TOPAZ1: variants seen among roughly 807,000 people sequenced by gnomAD.
TOPAZ1 encodes the protein testis and ovary specific TOPAZ 1, also known as protein TOPAZ1.
A neutral mutation model predicts 172.2 loss-of-function variants in TOPAZ1; 66 were observed. The ratio of observed to expected loss-of-function variants is 0.38; its 90% CI spans 0.31 to 0.47. The LOEUF (loss-of-function observed/expected upper bound fraction) is 0.47. TOPAZ1 is among the 20% of genes least tolerant of loss of function. TOPAZ1 has a pLI of 0.99. For synonymous variants in TOPAZ1, 681 were observed against 683.9 expected (o/e 1.00, Z 0.07); for missense variants, 1,822 against 1,972.4 (o/e 0.92, Z 1.44).
intron 9 of TOPAZ1, among the ~76,000 whole-genome samples, chr3:44,286,609 G>A (rs1365524563): frequency 6.6e-6 from 1 of 151,884 alleles, no homozygotes; most frequent in African/African-American, 2.4e-5. Flanking sequence ...AACAATACCA[G>A]GTAATCCAGC....
Position 44,287,389 on chromosome 3 carries a change from T to C in TOPAZ1, c.3437T>C (p.Val1146Ala). Residue 1146 changes from valine (V) to alanine (A), a missense_variant and splice_region_variant, in exon 10 of 20, where the codon GTA (valine) becomes GCA (alanine). Val to Ala is a moderately conservative substitution (Grantham distance 64). Coordinates refer to ENST00000309765, the MANE Select transcript of TOPAZ1 (RefSeq NM_001145030.2). ...INELCLLQRAVNIFMEYYRKF... is the reference protein window; with the variant it reads ...INELCLLQRAANIFMEYYRKF... Reference sequence around the variant, plus strand: ...TTAGTATATATATTTTCATTTTCAGTAAACATATTTATGGAGTACTACAGA... The same window carrying C: ...TTAGTATATATATTTTCATTTTCAGCAAACATATTTATGGAGTACTACAGA... 1 of 1,442,524 alleles carries C rather than the reference T, an allele frequency of 6.9e-7. No individual in the cohort carries two copies. Among genetic ancestry groups the C allele is most frequent in the Non-Finnish European group, 9.2e-7 (1 of 1,090,948 alleles). The allele number at this position is 1,442,524 out of a possible 1,614,324, so 89.4% of individuals were successfully genotyped here.
At chr3:44,317,207 G>A (rs766987946) in intron 16 of TOPAZ1, among the ~76,000 whole-genome samples, 16 of 152,178 alleles carry the variant, frequency 1.1e-4, no homozygotes, top group Non-Finnish European at 2.1e-4. Context: ...GATCACTTGA[G>A]GTCAGGAGTT....
At chr3:44,276,633 TTTTTTTTTTTTTTTTTTTTTC>T (rs1260100598) in intron 8 of TOPAZ1, among the ~76,000 whole-genome samples, 2 of 116,732 alleles carry the variant, frequency 1.7e-5, no homozygotes, top group Admixed American at 1.9e-4. Flanking sequence ...TCTTTTTTTT[TTTTTTTTTTTTTTTTTTTTTC>T]CAGAATTGCT....
At chr3:44,327,491 G>C (rs536173551) in intron 18 of TOPAZ1, among the ~76,000 whole-genome samples, 2 of 152,270 alleles carry the variant, frequency 1.3e-5, no homozygotes, top group Middle Eastern at 3.4e-3. Context: ...ATGAATTGGT[G>C]AATGTAGCTA....
At chr3:44,285,928 G>T (rs1012791598) in intron 9 of TOPAZ1, among the ~76,000 whole-genome samples, 2 of 151,862 alleles carry the variant, frequency 1.3e-5, no homozygotes, top group African/African-American at 4.8e-5. Flanking sequence ...ACTTAATGAG[G>T]CCAGGTGCAG....
At chr3:44,251,683 C>T (rs1025858799) in intron 2 of TOPAZ1, among the ~76,000 whole-genome samples, 1 of 152,116 alleles carries the variant, frequency 6.6e-6, no homozygotes, top group African/African-American at 2.4e-5. Flanking sequence ...ATTTCATTAT[C>T]CACATGAAAA....
intron 14 of TOPAZ1, 58 bp downstream of exon 14, chr3:44,305,379 T>G: frequency 1.4e-6 from 2 of 1,403,274 alleles, no homozygotes; most frequent in Non-Finnish European, 1.9e-6. Context: ...TTTTCTTTTT[T>G]GTTTTTTAGA....
In TOPAZ1 at chr3:44,243,813, G is replaced by A; in HGVS notation, c.1307G>A (p.Gly436Asp). 6.4e-7 allele frequency: 1 copy of A among 1,551,734 alleles called. No individual in the cohort carries two copies. The highest frequency in any genetic ancestry group is 8.7e-7 in the Non-Finnish European group (1 of 1,146,996). Residue 436 changes from glycine (G) to aspartate (D), a missense_variant, in exon 2 of 20, where the codon GGT (glycine) becomes GAT (aspartate). Coordinates refer to ENST00000309765, the MANE Select transcript of TOPAZ1 (RefSeq NM_001145030.2). ...ACAGAGAATGCTTCAGAGCCGTTAGGTTATGAAAGCATGGCATCGAAAGAG... is the reference window on the plus strand; with the variant it reads ...ACAGAGAATGCTTCAGAGCCGTTAGATTATGAAAGCATGGCATCGAAAGAG... ...EETENASEPL[G>D]YESMASKEDF... is the part of the protein sequence containing the mutation.
At chr3:44,257,953 G>C (rs1353562370) in intron 4 of TOPAZ1, among the ~76,000 whole-genome samples, 1 of 152,020 alleles carries the variant, frequency 6.6e-6, no homozygotes, top group African/African-American at 2.4e-5. Flanking sequence ...AGATTCATAA[G>C]AGGTTGGCTA....
chr3:44,254,916 AG>A, intron 2 of TOPAZ1, 51 bp from the exon 3 acceptor site: 1 of 1,320,930 alleles, frequency 7.6e-7, no homozygotes, highest in Non-Finnish European at 1.1e-6. Flanking sequence ...AGAAGTGGAT[AG>A]TTCTGCTTAG....
At chr3:44,305,529 T>G (rs1488640) in intron 14 of TOPAZ1, among the ~76,000 whole-genome samples, 2 of 152,224 alleles carry the variant, frequency 1.3e-5, no homozygotes, top group Admixed American at 1.3e-4. Flanking sequence ...ATCACTACAC[T>G]CAGCTAATTT....
chr3:44,327,044 A>G lies in TOPAZ1; in HGVS notation c.4676-1206A>G, dbSNP rs570963879. 2.0e-5 allele frequency among the ~76,000 whole-genome samples: 3 copies of G among 152,336 alleles called. No individual in the cohort carries two copies. In the East Asian group the frequency reaches 5.8e-4, roughly 29 times the overall value. ...AGGTGGGAATACCTAGTGGTTAGGAATCCAAAATCTGGAGCCAGAAAGTGG... is the reference window on the plus strand; with the variant it reads ...AGGTGGGAATACCTAGTGGTTAGGAGTCCAAAATCTGGAGCCAGAAAGTGG... On this transcript the variant is annotated intron_variant, in intron 18 of 19. Transcript: ENST00000309765.
intron 9 of TOPAZ1, among the ~76,000 whole-genome samples, chr3:44,284,160 C>T (rs1559536792): frequency 1.3e-5 from 2 of 152,068 alleles, no homozygotes; most frequent in Non-Finnish European, 2.9e-5. Context: ...TTTAAGTGTA[C>T]GATTCACTGG....
intron 18 of TOPAZ1, among the ~76,000 whole-genome samples, chr3:44,325,845 G>A (rs1284924826): frequency 6.6e-6 from 1 of 152,126 alleles, no homozygotes; most frequent in Non-Finnish European, 1.5e-5. Context: ...GTTTCACCAT[G>A]TTAGCCAGGC....
In TOPAZ1 at chr3:44,315,200, C is replaced by CGT. The variant is rs71089096; in HGVS notation, c.4306+5237_4306+5238dup. On this transcript the variant is annotated intron_variant, in intron 16 of 19. Transcript: ENST00000309765. Reference sequence around the variant, plus strand: ...GAAATGGTTGCAGGTTTTGAAAGAACGTGTGTGTGTGTGTGTGTGTGTGTG... The same window carrying CGT: ...GAAATGGTTGCAGGTTTTGAAAGAACGTGTGTGTGTGTGTGTGTGTGTGTGTG... Among the ~76,000 whole-genome samples the CGT allele has an allele frequency of 3.6e-3, 540 of 150,194 alleles. 1 individual carries two copies. Among genetic ancestry groups the CGT allele is most frequent in the East Asian group, 0.011 (56 of 5,114 alleles).
intron 12 of TOPAZ1, among the ~76,000 whole-genome samples, chr3:44,298,911 T>A (rs9681005): frequency 0.073 from 1,404 of 19,232 alleles, 24 homozygotes; most frequent in South Asian, 0.12. Flanking sequence ...ATATATATAT[T>A]TTTTTTTTTT....
In TOPAZ1 at chr3:44,245,224, C is replaced by T. The variant is rs529858201; in HGVS notation, c.2718C>T (p.Ser906=). ...CTGGAGAGCACCAATCAACAGACTC[C>T]AAGTACATGGAAACTCCAGTAAAAA... The part of the protein sequence containing the change: ...NVAGEHQSTD[S]KYMETPVKKE... The change falls in exon 2 of 20, where the codon TCC becomes TCT. Residue 906 remains serine, a synonymous_variant. Transcript: ENST00000309765. The T allele has an allele frequency of 1.9e-6, 3 of 1,546,292 alleles. No homozygotes were observed. The highest frequency in any genetic ancestry group is 4.9e-5 in the East Asian group (2 of 40,850).
chr3:44,297,078 G>A (rs1320878946), intron 12 of TOPAZ1, among the ~76,000 whole-genome samples: 1 of 150,994 alleles, frequency 6.6e-6, no homozygotes, highest in African/African-American at 2.4e-5. Flanking sequence ...GGCTAAGGCA[G>A]GAGAATCACT....
chr3:44,298,729 G>A (rs1700227055), intron 12 of TOPAZ1, among the ~76,000 whole-genome samples: 1 of 149,394 alleles, frequency 6.7e-6, no homozygotes, highest in African/African-American at 2.5e-5. Context: ...CAAAAACTTT[G>A]ACCCAAACCC....
Sources: gnomAD v4.1 joint callset for allele counts (sites outside exome capture counted in the v4.1 genomes callset) on GRCh38, gnomAD v4.1.1 for gene constraint, MANE v1.5 for transcripts, NCBI Gene and HGNC (gene_info 2026-07-23, HGNC 2026-07-21) for gene names.